HIRA: variants seen among roughly 807,000 people sequenced by gnomAD.
HIRA encodes the protein histone cell cycle regulator.
A neutral mutation model predicts 126.6 loss-of-function variants in HIRA; 13 were observed. That is an observed-to-expected ratio of 0.10 (90% CI 0.07 to 0.16). The LOEUF (loss-of-function observed/expected upper bound fraction) is 0.16, where lower values mean the gene tolerates loss of function less well. Among genes scored for constraint, HIRA ranks in the 10% least tolerant of loss-of-function variants. HIRA has a pLI of 1.00. For missense variants in HIRA, 834 were observed against 1,314.4 expected (o/e 0.63, Z 5.65); for synonymous variants, 511 against 520.0 (o/e 0.98, Z 0.24).
chr22:19,387,735 G>T lies in HIRA; in HGVS notation c.1089C>A (p.Gly363=). ...AFLDFSQDEL[G]DPLSEEEKSR... Reference sequence around the variant, plus strand: ...CCTTCTCCTCCTCGCTCAGGGGATCGCCAAGCTCATCCTGGGAGAAGTCGA... The same window carrying T: ...CCTTCTCCTCCTCGCTCAGGGGATCTCCAAGCTCATCCTGGGAGAAGTCGA... The change falls in exon 11 of 25, where the codon GGC becomes GGA. Residue 363 remains glycine (G), a synonymous_variant. Coordinates refer to ENST00000263208, the MANE Select transcript of HIRA (RefSeq NM_003325.4). The T allele has an allele frequency of 6.2e-7, 1 of 1,613,746 alleles. No individual in the cohort carries two copies. The highest frequency in any genetic ancestry group is 8.5e-7 in the Non-Finnish European group (1 of 1,179,886).
chr22:19,430,839 C>A (rs976671023), intron 1 of HIRA, among the ~76,000 whole-genome samples: 1 of 152,192 alleles, frequency 6.6e-6, no homozygotes, highest in African/African-American at 2.4e-5. Context: ...AGCCCCTCTG[C>A]TAGAACACAC....
intron 18 of HIRA, 122 bp from the exon 19 acceptor site, chr22:19,357,173 A>C: frequency 8.9e-7 from 1 of 1,128,198 alleles, no homozygotes; most frequent in East Asian, 2.4e-5. Context: ...GAGCAGGTAC[A>C]GCCAGAAGGG....
At chr22:19,366,705 C>T (rs888219837) in intron 15 of HIRA, among the ~76,000 whole-genome samples, 2 of 152,158 alleles carry the variant, frequency 1.3e-5, no homozygotes, top group Non-Finnish European at 2.9e-5. Context: ...AAAGTAGTTT[C>T]TTAAGATGGA....
rs556632649 is a variant in HIRA at position 19,358,198 on chromosome 22, A to G, written c.2234+1138T>C. Among the ~76,000 whole-genome samples the G allele has an allele frequency of 1.5e-3, 234 of 152,190 alleles. 2 individuals carry two copies. The highest frequency in any genetic ancestry group is 5.5e-3 in the African/African-American group (227 of 41,530). On this transcript the variant is annotated intron_variant, in intron 18 of 24. Transcript: ENST00000263208. ...TATTTTTGGTAGAGATGGGGTTTCAATATGTTGGCCAGGCTGGTACTGTGA... is the reference window on the plus strand; with the variant it reads ...TATTTTTGGTAGAGATGGGGTTTCAGTATGTTGGCCAGGCTGGTACTGTGA...
chr22:19,390,601 C>CAAAAAAAAA (rs575050947), intron 9 of HIRA, among the ~76,000 whole-genome samples: 2,994 of 38,282 alleles, frequency 0.078, 821 homozygotes, highest in Middle Eastern at 0.21. Context: ...GACTCTGTCT[C>CAAAAAAAAA]AAAAAAAAAA....
intron 9 of HIRA, among the ~76,000 whole-genome samples, chr22:19,391,819 T>C (rs1263948825): frequency 1.3e-5 from 2 of 152,174 alleles, no homozygotes; most frequent in Non-Finnish European, 2.9e-5. Flanking sequence ...CCCAACATGC[T>C]GCTCATGGCA....
intron 4 of HIRA, 53 bp from the exon 5 acceptor site, chr22:19,405,933 T>TG: frequency 1.7e-6 from 2 of 1,210,428 alleles, no homozygotes; most frequent in Non-Finnish European, 2.2e-6. Flanking sequence ...GGGCACTGCA[T>TG]AGAAATGCTC....
rs2088843665 is a variant in HIRA, at chr22:19,359,428, C to A, written c.2142G>T (p.Gly714=). 6.2e-7 allele frequency: 1 copy of A among 1,610,084 alleles called. No homozygotes were observed. The highest frequency in any genetic ancestry group is 1.7e-5 in the Admixed American group (1 of 59,198). ...IEVENEVTVV[G]GVKLSRLKCN... ...ACTTCAGGCGGCTCAGCTTCACGCC[C>A]CCCACCACTGTCACTTCATTCTCCA... Residue 714 remains glycine, a synonymous_variant, in exon 18 of 25, where the codon GGG becomes GGT. Transcript: ENST00000263208.
intron 21 of HIRA, among the ~76,000 whole-genome samples, chr22:19,354,940 AT>A (rs1216496201): frequency 3.7e-4 from 54 of 146,780 alleles, no homozygotes; most frequent in Middle Eastern, 3.5e-3. Context: ...CTTATTTAAA[AT>A]TTTTTTTTTT....
chr22:19,358,348 A>G (rs892390328), intron 18 of HIRA, among the ~76,000 whole-genome samples: 1 of 152,186 alleles, frequency 6.6e-6, no homozygotes. Flanking sequence ...TGAACTGGGC[A>G]GGACTAAGCA....
At chr22:19,429,133 C>CTTTTTTTTTTTTT (rs57853722) in intron 1 of HIRA, among the ~76,000 whole-genome samples, 1 of 77,278 alleles carries the variant, frequency 1.3e-5, no homozygotes, top group Non-Finnish European at 2.3e-5. Flanking sequence ...GTTGCCATAT[C>CTTTTTTTTTTTTT]TTTTTTTTTT....
chr22:19,338,724 GA>G (rs2088594108), intron 24 of HIRA, among the ~76,000 whole-genome samples: 1 of 152,122 alleles, frequency 6.6e-6, no homozygotes, highest in Admixed American at 6.5e-5. Flanking sequence ...GACAAAAAGG[GA>G]CATTACATAA....
chr22:19,353,637 C>T, intron 22 of HIRA, 118 bp from the exon 23 acceptor site: 1 of 1,035,406 alleles, frequency 9.7e-7, no homozygotes, highest in Non-Finnish European at 1.4e-6. Flanking sequence ...GCTGCCAAGG[C>T]CTCCCGTCCA....
At chr22:19,375,567 A>G in intron 15 of HIRA, 64 bp downstream of exon 15, 1 of 1,556,228 alleles carries the variant, frequency 6.4e-7, no homozygotes, top group South Asian at 1.1e-5. Flanking sequence ...GAACACTGCC[A>G]CTGTGCTGTT....
At chr22:19,398,979 C>CA (rs1569307218) in intron 5 of HIRA, 5 of 314,638 alleles carry the variant, frequency 1.6e-5, no homozygotes, top group African/African-American at 2.2e-5. Flanking sequence ...AAAAAACAAA[C>CA]AAAAAAACCA....
intron 15 of HIRA, among the ~76,000 whole-genome samples, chr22:19,369,317 G>T (rs1001415969): frequency 5.3e-5 from 8 of 152,316 alleles, no homozygotes; most frequent in South Asian, 4.1e-4. Context: ...GCTAGGAAGT[G>T]CCAGTCAGGT....
At chr22:19,390,592 ACT>A (rs1249012148) in intron 9 of HIRA, among the ~76,000 whole-genome samples, 91 of 118,088 alleles carry the variant, frequency 7.7e-4, no homozygotes, top group Non-Finnish European at 1.2e-3. Context: ...ATAGAGGGAG[ACT>A]CTGTCTCAAA....
In HIRA at chr22:19,355,762, T is replaced by A. The variant is rs370554587; in HGVS notation, c.2559A>T (p.Thr853=). 1.2e-6 allele frequency: 2 copies of A among 1,608,652 alleles called. No homozygotes were observed. Among genetic ancestry groups the A allele is most frequent in the East Asian group, 2.2e-5 (1 of 44,880 alleles). ...KAYCFNPSLS[T]WNLVSDKQDS... ...GGACTGGGGGTCAGCTTGCTTACCATGTGGAAAGTGACGGATTAAAGCAGT... is the reference window on the plus strand; with the variant it reads ...GGACTGGGGGTCAGCTTGCTTACCAAGTGGAAAGTGACGGATTAAAGCAGT... The change falls in exon 21 of 25, where the codon ACA becomes ACT. Residue 853 remains threonine, a splice_region_variant and synonymous_variant. Coordinates refer to ENST00000263208, the MANE Select transcript of HIRA (RefSeq NM_003325.4).
chr22:19,423,193 C>T (rs1276629583), intron 1 of HIRA, among the ~76,000 whole-genome samples: 1 of 152,146 alleles, frequency 6.6e-6, no homozygotes, highest in Non-Finnish European at 1.5e-5. Flanking sequence ...GCCAAAGCGT[C>T]CCACTTAAAC....
Sources: allele counts gnomAD v4.1 joint callset (sites outside exome capture counted in the v4.1 genomes callset), GRCh38; gene constraint gnomAD v4.1.1; transcripts MANE v1.5; gene names NCBI Gene and HGNC (gene_info 2026-07-23, HGNC 2026-07-21).